Variants in EPHA6 observed in about 807,000 individuals in gnomAD.
The protein encoded by EPHA6 is ephrin type-A receptor 6.
In EPHA6, 50 loss-of-function variants were observed where a neutral mutation model predicts 112.0. That is an observed-to-expected ratio of 0.45 (90% confidence interval 0.36 to 0.56). EPHA6 has a LOEUF of 0.56. EPHA6 is among the 20% of genes least tolerant of loss of function. EPHA6 has a pLI of 0.00. For synonymous variants in EPHA6, 529 were observed against 490.7 expected, an observed-to-expected ratio of 1.08 and a Z score of -1.03; for missense variants, 1,280 against 1,417.4, an observed-to-expected ratio of 0.90 and a Z score of 1.56.
At chr3:97,580,482 C>G (rs1338337668) in intron 11 of EPHA6, among the ~76,000 whole-genome samples, 2 of 152,192 alleles carry the variant, frequency 1.3e-5, no homozygotes, top group African/African-American at 4.8e-5. Flanking sequence ...TTTTATCCCT[C>G]ACTTTTTCTC....
At chr3:97,263,307 C>G (rs2079560291) in intron 5 of EPHA6, among the ~76,000 whole-genome samples, 1 of 151,876 alleles carries the variant, frequency 6.6e-6, no homozygotes. Flanking sequence ...TTCTCAGGGC[C>G]TAGTACAGTG....
At chr3:97,592,554 G>T in intron 11 of EPHA6, 58 bp from the exon 12 acceptor site, 4 of 1,591,916 alleles carry the variant, frequency 2.5e-6, no homozygotes, top group East Asian at 2.3e-5. Context: ...CCATGTAAAT[G>T]ATCAATGCTT....
At chr3:97,607,011 A>G (rs539512235) in intron 12 of EPHA6, among the ~76,000 whole-genome samples, 36 of 151,184 alleles carry the variant, frequency 2.4e-4, no homozygotes, top group African/African-American at 7.5e-4. Flanking sequence ...AATGACTTAA[A>G]TCTGTAATAG....
At chr3:96,925,605 GTTT>G (rs34393123) in intron 2 of EPHA6, among the ~76,000 whole-genome samples, 1 of 136,582 alleles carries the variant, frequency 7.3e-6, no homozygotes. Context: ...TTGATTTGCT[GTTT>G]TTTTTTTTTT....
intron 3 of EPHA6, among the ~76,000 whole-genome samples, chr3:97,063,840 A>G (rs992086089): frequency 1.3e-5 from 2 of 152,244 alleles, no homozygotes; most frequent in Non-Finnish European, 2.9e-5. Flanking sequence ...TCAGCTGGTA[A>G]GTAATAAAAA....
At chr3:97,528,884 G>T (rs1205431491) in intron 10 of EPHA6, among the ~76,000 whole-genome samples, 1 of 152,112 alleles carries the variant, frequency 6.6e-6, no homozygotes, top group East Asian at 1.9e-4. Context: ...TGCTGTCAGT[G>T]GCAGAAGATC....
chr3:97,580,476 A>G (rs1401355985), intron 11 of EPHA6, among the ~76,000 whole-genome samples: 2 of 152,208 alleles, frequency 1.3e-5, no homozygotes, highest in Admixed American at 1.3e-4. Context: ...CTTGCTTTTT[A>G]TCCCTCACTT....
chr3:97,441,966 T>C (rs1297843002), intron 6 of EPHA6, among the ~76,000 whole-genome samples: 1 of 152,186 alleles, frequency 6.6e-6, no homozygotes, highest in Admixed American at 6.5e-5. Context: ...TTTTGTAAGA[T>C]AATTAAGTTA....
rs115091393 is a variant in EPHA6 at position 97,425,690 on chromosome 3, C to A, written c.1731+20416C>A. On this transcript the variant is annotated intron_variant, in intron 6 of 17. Coordinates refer to ENST00000389672, the MANE Select transcript of EPHA6 (RefSeq NM_001080448.3). ...GGCTGTTCATTACTTATGCAAATTT[C>A]TGCAGGAGGCTTGACTTCCTTCCCA... Among the ~76,000 whole-genome samples, 867 of 152,340 alleles carry A rather than the reference C, an allele frequency of 5.7e-3. 16 individuals are homozygous for A. The highest frequency in any genetic ancestry group is 0.02 in the African/African-American group (816 of 41,580).
chr3:97,560,311 A>G (rs913044590), intron 11 of EPHA6, among the ~76,000 whole-genome samples: 4 of 152,034 alleles, frequency 2.6e-5, no homozygotes, highest in African/African-American at 9.7e-5. Flanking sequence ...CCTTCACAAG[A>G]GTGTATTTAA....
intron 15 of EPHA6, among the ~76,000 whole-genome samples, chr3:97,722,303 G>A (rs990681920): frequency 1.3e-5 from 2 of 152,132 alleles, no homozygotes; most frequent in Non-Finnish European, 1.5e-5. Context: ...TTTAGTGAAT[G>A]CCTTCTCCAT....
chr3:97,149,612 A>G lies in EPHA6; in HGVS notation c.1115-76652A>G, dbSNP rs886751628. 3.3e-5 allele frequency among the ~76,000 whole-genome samples: 5 copies of G among 152,118 alleles called. No individual in the cohort carries two copies. The East Asian group carries it at 9.7e-4, about 29-fold the overall frequency. ...TAATGAGAATCCTTAGGGCTATGCA[A>G]TAGTAATATTTCTAATTGAGAAACT... On this transcript the variant is annotated intron_variant, in intron 3 of 17. Transcript: ENST00000389672.
intron 5 of EPHA6, among the ~76,000 whole-genome samples, chr3:97,327,343 G>A (rs1228544720): frequency 6.6e-6 from 1 of 151,942 alleles, no homozygotes; most frequent in Admixed American, 6.6e-5. Flanking sequence ...GAGATCCCTT[G>A]TGTACTTTGT....
intron 11 of EPHA6, among the ~76,000 whole-genome samples, chr3:97,590,712 T>C (rs1168436793): frequency 6.6e-6 from 1 of 152,316 alleles, no homozygotes; most frequent in East Asian, 1.9e-4. Context: ...AAAATTGCAT[T>C]ATTTTAGCTT....
At chr3:96,986,517 C>A (rs2043027727) in intron 2 of EPHA6, among the ~76,000 whole-genome samples, 1 of 152,132 alleles carries the variant, frequency 6.6e-6, no homozygotes, top group African/African-American at 2.4e-5. Flanking sequence ...ACTATCTCAT[C>A]TCTAAGGCAA....
intron 3 of EPHA6, among the ~76,000 whole-genome samples, chr3:97,051,359 C>A (rs2108086195): frequency 6.6e-6 from 1 of 152,054 alleles, no homozygotes; most frequent in East Asian, 1.9e-4. Context: ...TATGTGTGGC[C>A]CAGAATTTGT....
intron 5 of EPHA6, among the ~76,000 whole-genome samples, chr3:97,291,037 C>G (rs2080663000): frequency 6.6e-6 from 1 of 152,056 alleles, no homozygotes. Context: ...TATAAACTTT[C>G]CTCTTAGCTG....
intron 2 of EPHA6, among the ~76,000 whole-genome samples, chr3:96,881,093 C>T (rs78342680): frequency 0.044 from 6,671 of 152,172 alleles, 390 homozygotes; most frequent in East Asian, 0.3. Flanking sequence ...ATGGAACCAC[C>T]AAACTGTTTT....
chr3:97,389,963 T>C (rs1380671783), intron 5 of EPHA6, among the ~76,000 whole-genome samples: 1 of 152,154 alleles, frequency 6.6e-6, no homozygotes, highest in African/African-American at 2.4e-5. Context: ...TCTCTGCATG[T>C]AGTAAGTGAT....
Sources: gnomAD v4.1 joint callset for allele counts (sites outside exome capture counted in the v4.1 genomes callset) on GRCh38, gnomAD v4.1.1 for gene constraint, MANE v1.5 for transcripts, NCBI Gene and HGNC (gene_info 2026-07-23, HGNC 2026-07-21) for gene names.